Variants in LINGO2 observed in about 807,000 individuals in gnomAD.
LINGO2 encodes leucine rich repeat and Ig domain containing 2.
In LINGO2, 14 loss-of-function variants were observed where a neutral mutation model predicts 30.6. The ratio of observed to expected loss-of-function variants is 0.46; its 90% CI spans 0.30 to 0.72. LINGO2 has a LOEUF of 0.72. Among genes scored for constraint, LINGO2 ranks in the 30% least tolerant of loss-of-function variants. LINGO2 has a pLI of 0.07. For synonymous variants in LINGO2, 317 were observed against 288.5 expected (o/e 1.10, Z -1.00); for missense variants, 729 against 751.7 (o/e 0.97, Z 0.35).
At chr9:28,086,747 C>T (rs1587828087) in intron 4 of LINGO2, among the ~76,000 whole-genome samples, 1 of 152,156 alleles carries the variant, frequency 6.6e-6, no homozygotes, top group Admixed American at 6.6e-5. Flanking sequence ...TCCAACTTGG[C>T]CACAAACTTA....
rs533295644 is a variant in LINGO2, at chr9:28,546,829, G to A, written c.-364-70804C>T. Among the ~76,000 whole-genome samples the A allele has an allele frequency of 5.8e-4, 88 of 151,924 alleles. 1 individual carries two copies. Among genetic ancestry groups the A allele is most frequent in the African/African-American group, 2.1e-3 (86 of 41,492 alleles). Reference sequence around the variant, plus strand: ...AGCATTCCAAAATGCCACACTCTGGGGTATCATTTTCTGAACCCCAATAGT... The same window carrying A: ...AGCATTCCAAAATGCCACACTCTGGAGTATCATTTTCTGAACCCCAATAGT... On this transcript the variant is annotated intron_variant, in intron 1 of 5. Coordinates refer to ENST00000379992, the Ensembl canonical transcript of LINGO2.
chr9:28,671,160 C>T (rs1437592362), upstream of LINGO2, among the ~76,000 whole-genome samples: 1 of 151,970 alleles, frequency 6.6e-6, no homozygotes, highest in Non-Finnish European at 1.5e-5. Flanking sequence ...AAGCCTCACA[C>T]ATGTTAAATT....
chr9:28,244,796 T>G (rs1587313817), intron 4 of LINGO2, among the ~76,000 whole-genome samples: 1 of 144,734 alleles, frequency 6.9e-6, no homozygotes, highest in East Asian at 2.1e-4. Flanking sequence ...GTCCTGAAAT[T>G]GAGGCAGTAA....
At chr9:28,434,585 T>A (rs958382660) in intron 2 of LINGO2, among the ~76,000 whole-genome samples, 2 of 151,926 alleles carry the variant, frequency 1.3e-5, no homozygotes, top group South Asian at 4.2e-4. Flanking sequence ...ATTTTTATCC[T>A]TCCTGTAATT....
the LINGO2 span, among the ~76,000 whole-genome samples, chr9:28,821,733 C>A: frequency 1.3e-5 from 2 of 152,170 alleles, no homozygotes; most frequent in Non-Finnish European, 2.9e-5. Flanking sequence ...GGTGCTTGGG[C>A]AGCAAAAGAT....
the LINGO2 span, among the ~76,000 whole-genome samples, chr9:28,696,509 AAATG>A: frequency 1.3e-5 from 2 of 151,934 alleles, no homozygotes; most frequent in Non-Finnish European, 2.9e-5. Context: ...TTTTGTTCAC[AAATG>A]AATGAATGAA....
chr9:29,145,353 A>G, the LINGO2 span, among the ~76,000 whole-genome samples: 5 of 152,074 alleles, frequency 3.3e-5, no homozygotes, highest in Admixed American at 6.6e-5. Flanking sequence ...CAAGAAATAT[A>G]TTGAACCAGC....
chr9:28,550,830 G>C (rs1349347615), intron 1 of LINGO2, among the ~76,000 whole-genome samples: 3 of 151,744 alleles, frequency 2.0e-5, no homozygotes, highest in East Asian at 1.9e-4. Context: ...CATATAGCAT[G>C]ATATAAATTT....
chr9:28,497,972 T>C lies in LINGO2; in HGVS notation c.-364-21947A>G, dbSNP rs1819710476. 2.0e-5 allele frequency among the ~76,000 whole-genome samples: 3 copies of C among 152,146 alleles called. No homozygotes were observed. In the South Asian group the frequency reaches 6.2e-4, roughly 31 times the overall value. On this transcript the variant is annotated intron_variant, in intron 1 of 5. Coordinates refer to ENST00000379992, the Ensembl canonical transcript of LINGO2. ...TCAGCAGCGGAGGCTGCAGAACAGG[T>C]AATACTGCTGAATAGCAAATGTTGC...
chr9:28,763,543 C>A, the LINGO2 span, among the ~76,000 whole-genome samples: 1 of 151,478 alleles, frequency 6.6e-6, no homozygotes, highest in South Asian at 2.1e-4. Context: ...CAGTACTAAG[C>A]GAGAAGTTCA....
chr9:29,188,833 AC>A, the LINGO2 span, among the ~76,000 whole-genome samples: 362 of 95,966 alleles, frequency 3.8e-3, 6 homozygotes, highest in African/African-American at 0.015. Flanking sequence ...CCGGGGGCTG[AC>A]CCCCCCGCCA....
chr9:29,025,803 C>G, the LINGO2 span, among the ~76,000 whole-genome samples: 2 of 152,118 alleles, frequency 1.3e-5, no homozygotes, highest in Non-Finnish European at 2.9e-5. Context: ...CATCTCCCCC[C>G]TCTACCCTTA....
At chr9:28,537,533 T>C (rs904846805) in intron 1 of LINGO2, among the ~76,000 whole-genome samples, 9 of 151,378 alleles carry the variant, frequency 5.9e-5, no homozygotes, top group Non-Finnish European at 8.8e-5. Context: ...AGAGGAATGC[T>C]GGATAAAGTA....
intron 2 of LINGO2, among the ~76,000 whole-genome samples, chr9:28,428,981 TCTTGA>T (rs1050628264): frequency 2.0e-5 from 3 of 152,194 alleles, no homozygotes; most frequent in African/African-American, 7.2e-5. Flanking sequence ...TGATTCTTTA[TCTTGA>T]CTTAAGAATC....
intron 2 of LINGO2, among the ~76,000 whole-genome samples, chr9:28,403,830 C>T (rs184472421): frequency 1.3e-5 from 2 of 152,082 alleles, no homozygotes; most frequent in African/African-American, 2.4e-5. Flanking sequence ...CAAATATACC[C>T]TAGAAACACT....
chr9:28,623,011 T>A (rs1826482968), intron 1 of LINGO2, among the ~76,000 whole-genome samples: 1 of 152,098 alleles, frequency 6.6e-6, no homozygotes, highest in South Asian at 2.1e-4. Flanking sequence ...TCTATTCAAA[T>A]CTTTTGCCCA....
At chr9:28,765,825 G>A in the LINGO2 span, among the ~76,000 whole-genome samples, 14 of 151,934 alleles carry the variant, frequency 9.2e-5, no homozygotes, top group African/African-American at 2.4e-4. Context: ...AAACAAGACC[G>A]AGACAAATAC....
the LINGO2 span, among the ~76,000 whole-genome samples, chr9:28,967,837 C>T: frequency 1.3e-5 from 2 of 152,010 alleles, no homozygotes; most frequent in Non-Finnish European, 2.9e-5. Flanking sequence ...TAGCAGAGAG[C>T]GAGAAAGAGA....
intron 4 of LINGO2, among the ~76,000 whole-genome samples, chr9:28,186,592 A>G (rs1819549763): frequency 6.6e-6 from 1 of 152,102 alleles, no homozygotes; most frequent in African/African-American, 2.4e-5. Context: ...TTGGAGAGAG[A>G]GGGGACGTGT....
Sources: gnomAD v4.1 joint callset for allele counts (sites outside exome capture counted in the v4.1 genomes callset) on GRCh38, gnomAD v4.1.1 for gene constraint, MANE v1.5 for transcripts, NCBI Gene and HGNC (gene_info 2026-07-23, HGNC 2026-07-21) for gene names.